The following ACACA variants were observed in gnomAD, a reference collection of about 807,000 sequenced individuals.
The protein encoded by ACACA is acetyl-CoA carboxylase 1.
ACACA carries 103 observed loss-of-function variants against 296.1 expected under a neutral mutation model. That is an observed-to-expected ratio of 0.35 (90% CI 0.30 to 0.41). ACACA has a LOEUF of 0.41. Among genes scored for constraint, ACACA ranks in the 10% least tolerant of loss-of-function variants. The pLI is 1.00. For missense variants in ACACA, 1,554 were observed against 2,989.7 expected (o/e 0.52, Z 11.20); for synonymous variants, 953 against 1,038.6 (o/e 0.92, Z 1.58).
rs5820208 is a variant in ACACA, at chr17:37,267,764, C to CTT, written c.1119+2985_1119+2986dup. 7.9e-3 allele frequency among the ~76,000 whole-genome samples: 1,109 copies of CTT among 141,084 alleles called. 28 individuals carry two copies. The highest frequency in any genetic ancestry group is 0.053 in the Admixed American group (748 of 14,174). The allele number at this position is 141,084 out of a possible 152,430, so 92.6% of individuals were successfully genotyped here. A position where few individuals can be genotyped will look rare whatever the true frequency, so the allele number is the denominator to read the frequency against. The stretch of plus-strand genomic sequence containing the variant: ...CCTATATTGACTTCTTCTTCTTCTT[C>CTT]TTTTTTTTTTTTTTAAGACAATGTC... On this transcript the variant is annotated intron_variant, in intron 10 of 55. Coordinates refer to ENST00000616317, the MANE Select transcript of ACACA (RefSeq NM_198834.3).
intron 33 of ACACA, among the ~76,000 whole-genome samples, chr17:37,203,823 T>G (rs1470502057): frequency 6.6e-6 from 1 of 152,196 alleles, no homozygotes; most frequent in East Asian, 1.9e-4. Context: ...TAGGTTAATT[T>G]TATGTGGTCA....
intron 25 of ACACA, among the ~76,000 whole-genome samples, chr17:37,227,677 G>A (rs572190843): frequency 7.9e-5 from 12 of 152,164 alleles, no homozygotes; most frequent in African/African-American, 2.2e-4. Flanking sequence ...TGGCTAACAC[G>A]GTGAAACCCC....
intron 52 of ACACA, among the ~76,000 whole-genome samples, chr17:37,098,267 G>A (rs1407913857): frequency 6.6e-6 from 1 of 152,164 alleles, no homozygotes; most frequent in Non-Finnish European, 1.5e-5. Flanking sequence ...CCCTGAGAAG[G>A]TGCAAGTAGC....
At chr17:37,335,147 A>C (rs2048057241) in intron 2 of ACACA, among the ~76,000 whole-genome samples, 1 of 151,884 alleles carries the variant, frequency 6.6e-6, no homozygotes. Context: ...GAAACCCTCC[A>C]TACCCATACT....
At chr17:37,270,407 C>T (rs1250530370) in intron 10 of ACACA, among the ~76,000 whole-genome samples, 1 of 152,106 alleles carries the variant, frequency 6.6e-6, no homozygotes, top group Non-Finnish European at 1.5e-5. Context: ...AACAGGGGCA[C>T]AAAAATACAG....
chr17:37,329,170 A>G (rs2047745823), intron 3 of ACACA, among the ~76,000 whole-genome samples: 1 of 152,212 alleles, frequency 6.6e-6, no homozygotes, highest in Non-Finnish European at 1.5e-5. Flanking sequence ...CTAGAAACAG[A>G]ATATAACTTC....
At chr17:37,277,831 A>G (rs1469785999) in intron 6 of ACACA, 65 bp downstream of exon 6, 7 of 1,236,350 alleles carry the variant, frequency 5.7e-6, no homozygotes, top group Non-Finnish European at 8.3e-6. Context: ...TTCTCTAGAT[A>G]TCCCCTTGTG....
At chr17:37,117,166 T>C (rs760189420) in intron 50 of ACACA, among the ~76,000 whole-genome samples, 8 of 152,178 alleles carry the variant, frequency 5.3e-5, no homozygotes, top group Non-Finnish European at 1.0e-4. Context: ...GTTTCCACAG[T>C]GTCCCACACT....
At chr17:37,271,251 A>C (rs1475027355) in intron 9 of ACACA, among the ~76,000 whole-genome samples, 1 of 152,178 alleles carries the variant, frequency 6.6e-6, no homozygotes. Flanking sequence ...CACAGTGGCT[A>C]ACGCCTGTAA....
At chr17:37,200,066 T>A in intron 35 of ACACA, 73 bp downstream of exon 35, 1 of 1,099,436 alleles carries the variant, frequency 9.1e-7, no homozygotes, top group Non-Finnish European at 1.4e-6. Context: ...TTCTAACATA[T>A]ATTCTGGTTA....
chr17:37,381,728 C>CCATTCTCCTGCTCCGCCTCTCGGGTTCAT (rs2050276803), intron 1 of ACACA, among the ~76,000 whole-genome samples: 1 of 150,024 alleles, frequency 6.7e-6, no homozygotes. Flanking sequence ...CTCGGGTTCA[C>CCATTCTCCTGCTCCGCCTCTCGGGTTCAT]GCCATTCTCC....
intron 29 of ACACA, among the ~76,000 whole-genome samples, chr17:37,212,549 G>A (rs949373858): frequency 3.3e-5 from 5 of 152,172 alleles, no homozygotes; most frequent in Admixed American, 6.5e-5. Context: ...CTGTGGGGAT[G>A]TAAGGGAGAT....
chr17:37,352,330 G>T (rs964117345), intron 1 of ACACA, among the ~76,000 whole-genome samples: 4 of 152,092 alleles, frequency 2.6e-5, no homozygotes, highest in Admixed American at 6.6e-5. Flanking sequence ...AGGCCTCCAG[G>T]TAAAATGCCA....
At chr17:37,178,783 A>C (rs1284792338) in intron 41 of ACACA, among the ~76,000 whole-genome samples, 1 of 152,206 alleles carries the variant, frequency 6.6e-6, no homozygotes, top group Non-Finnish European at 1.5e-5. Flanking sequence ...CCTGTGTGAC[A>C]GAGCGAGACA....
chr17:37,158,427 C>T (rs956455635), intron 42 of ACACA, among the ~76,000 whole-genome samples: 7 of 151,956 alleles, frequency 4.6e-5, no homozygotes, highest in Non-Finnish European at 1.0e-4. Flanking sequence ...CTCAGGAATT[C>T]GAGACCAGCC....
chr17:37,348,654 C>T (rs1021861217), intron 1 of ACACA, among the ~76,000 whole-genome samples: 21 of 152,060 alleles, frequency 1.4e-4, no homozygotes, highest in Admixed American at 1.3e-3. Context: ...GATAATGATG[C>T]AATTAGAAAA....
At chr17:37,219,798 C>T (rs1032498549) in intron 29 of ACACA, among the ~76,000 whole-genome samples, 1 of 150,686 alleles carries the variant, frequency 6.6e-6, no homozygotes, top group Non-Finnish European at 1.5e-5. Context: ...ACAAGCTATA[C>T]TCTGAAACTG....
In ACACA at chr17:37,337,026, G is replaced by A. The variant is rs539799523; in HGVS notation, c.85+2778C>T. On this transcript the variant is annotated intron_variant, in intron 2 of 55. Coordinates refer to ENST00000616317, the MANE Select transcript of ACACA (RefSeq NM_198834.3). ...TCCCTGGACCATTGGCATCACCTGG[G>A]AACTTGTTAGAAGTGCAAATTTCTT... is the stretch of plus-strand genomic sequence containing the variant. 1.7e-3 allele frequency among the ~76,000 whole-genome samples: 261 copies of A among 152,198 alleles called. 1 individual carries two copies. Among genetic ancestry groups the A allele is most frequent in the African/African-American group, 5.9e-3 (247 of 41,520 alleles).
rs2081426321 is a variant in ACACA at position 37,260,283 on chromosome 17, TATA to T, written c.1330-756_1330-754del. ...ATATATATATATATATATATATATA[TATA>T]TATATATATATTTTTTTTTTTTTTT... On this transcript the variant is annotated intron_variant, in intron 11 of 55. Transcript: ENST00000616317. Among the ~76,000 whole-genome samples, 45 of 38,822 alleles carry T rather than the reference TATA, an allele frequency of 1.2e-3. 5 individuals are homozygous for T. The highest frequency in any genetic ancestry group is 0.01 in the East Asian group (7 of 680). 25.5% of individuals were successfully genotyped at this position (38,822 alleles called of 152,430 possible). A position where few individuals can be genotyped will look rare whatever the true frequency, so the allele number is the denominator to read the frequency against.
Sources: gnomAD v4.1 joint callset for allele counts (sites outside exome capture counted in the v4.1 genomes callset) on GRCh38, gnomAD v4.1.1 for gene constraint, MANE v1.5 for transcripts, NCBI Gene and HGNC (gene_info 2026-07-23, HGNC 2026-07-21) for gene names.